PCBP3: variants seen among roughly 807,000 people sequenced by gnomAD.
The protein encoded by PCBP3 is poly(rC)-binding protein 3.
Under a neutral mutation model 52.7 loss-of-function variants are expected in PCBP3, and 25 were observed. That is an observed-to-expected ratio of 0.47 (90% CI 0.35 to 0.66). The LOEUF (loss-of-function observed/expected upper bound fraction) is 0.66. Ranked by LOEUF, PCBP3 falls within the 30% of genes least tolerant of loss-of-function variation. The pLI, the probability that PCBP3 is intolerant of heterozygous loss-of-function variation, is 0.01. For missense variants in PCBP3, 391 were observed against 490.3 expected, an observed-to-expected ratio of 0.80 and a Z score of 1.91; for synonymous variants, 162 against 183.0, an observed-to-expected ratio of 0.89 and a Z score of 0.93.
chr21:45,792,966 C>T (rs1457284146), intron 4 of PCBP3, among the ~76,000 whole-genome samples: 2 of 152,210 alleles, frequency 1.3e-5, no homozygotes, highest in South Asian at 2.1e-4. Context: ...AAAGACACCC[C>T]TCCTTCTCCC....
chr21:45,703,126 TC>T (rs2083232174), intron 2 of PCBP3, among the ~76,000 whole-genome samples: 1 of 152,188 alleles, frequency 6.6e-6, no homozygotes, highest in South Asian at 2.1e-4. Flanking sequence ...TGCAGTGACT[TC>T]CTTCAATAAA....
rs1229113379 is a variant in PCBP3 at position 45,817,539 on chromosome 21, G to A, written c.-125-32422G>A. The stretch of plus-strand genomic sequence containing the variant: ...AGCTGCTGCCGCAGCCCCCATGCTT[G>A]CCTTTTGTCCTCAGCCCCCCAGCGA... On this transcript the variant is annotated intron_variant, in intron 4 of 17. Coordinates refer to ENST00000681687, the MANE Select transcript of PCBP3 (RefSeq NM_001384156.1). This position sits in a 1 kb window ranked among gnomAD's most constrained non-coding sequence, Gnocchi z 4.3. Among the ~76,000 whole-genome samples the A allele has an allele frequency of 6.6e-6, 1 of 152,190 alleles. No homozygotes were observed. Among genetic ancestry groups the A allele is most frequent in the Non-Finnish European group, 1.5e-5 (1 of 68,036 alleles).
chr21:45,705,557 G>A (rs2083396926), intron 2 of PCBP3, among the ~76,000 whole-genome samples: 2 of 152,180 alleles, frequency 1.3e-5, no homozygotes, highest in Non-Finnish European at 2.9e-5. Context: ...CCTGCTTAAG[G>A]CATGTCAGGG....
intron 13 of PCBP3, among the ~76,000 whole-genome samples, chr21:45,926,207 C>A (rs572947982): frequency 6.6e-6 from 1 of 152,312 alleles, no homozygotes; most frequent in Admixed American, 6.5e-5. Context: ...GCCTGGTGAC[C>A]TTGCAGCTGA....
chr21:45,717,204 C>T (rs955590372), intron 2 of PCBP3, among the ~76,000 whole-genome samples: 13 of 152,010 alleles, frequency 8.6e-5, no homozygotes, highest in African/African-American at 3.1e-4. Flanking sequence ...TCCCTGCCAC[C>T]TTGTTGAACT....
intron 4 of PCBP3, among the ~76,000 whole-genome samples, chr21:45,845,697 C>T (rs746091881): frequency 6.6e-6 from 1 of 152,026 alleles, no homozygotes; most frequent in Non-Finnish European, 1.5e-5. Context: ...GCTGCTTAAG[C>T]ACCCGTTTGC....
At chr21:45,887,863 G>A (rs1288045155) in intron 5 of PCBP3, among the ~76,000 whole-genome samples, 4 of 152,210 alleles carry the variant, frequency 2.6e-5, no homozygotes, top group Non-Finnish European at 2.9e-5. Flanking sequence ...TGTTGTCACA[G>A]CTGCTCTTAT....
Position 45,830,217 on chromosome 21 carries a change from T to C in PCBP3, c.-125-19744T>C, listed in dbSNP as rs2093412969. The C allele has an allele frequency of 1.3e-5, 2 of 152,822 alleles. No homozygotes were observed. The highest frequency in any genetic ancestry group is 6.5e-5 in the Admixed American group (1 of 15,282). The allele number at this position is 152,822 out of a possible 1,614,324, so 9.5% of individuals were successfully genotyped here. On this transcript the variant is annotated intron_variant, in intron 4 of 17. Coordinates refer to ENST00000681687, the MANE Select transcript of PCBP3 (RefSeq NM_001384156.1). This position sits in a 1 kb window ranked among gnomAD's most constrained non-coding sequence, Gnocchi z 4.4. Reference sequence around the variant, plus strand: ...TGTGCCCCATAGCCTCGTCCTAACATACGTGCAAATGTGCACTGTGGAGAC... The same window carrying C: ...TGTGCCCCATAGCCTCGTCCTAACACACGTGCAAATGTGCACTGTGGAGAC...
intron 2 of PCBP3, among the ~76,000 whole-genome samples, chr21:45,723,196 A>G (rs994420966): frequency 6.6e-6 from 1 of 152,168 alleles, no homozygotes. Context: ...CAGGGGACAC[A>G]TAGGCATCCT....
intron 2 of PCBP3, among the ~76,000 whole-genome samples, chr21:45,674,537 A>G (rs1041367651): frequency 4.6e-5 from 7 of 152,162 alleles, no homozygotes; most frequent in Non-Finnish European, 1.0e-4. Context: ...CTTTGCATAT[A>G]TGGCCCTTTC....
In PCBP3 at chr21:45,654,673, A is replaced by T. The variant is rs545142068; in HGVS notation, c.-279+10805A>T. Among the ~76,000 whole-genome samples, 4 of 152,174 alleles carry T rather than the reference A, an allele frequency of 2.6e-5. No individual in the cohort carries two copies. In the South Asian group the frequency reaches 8.3e-4, roughly 32 times the overall value. ...TATTTTTTAATCTAAAAATATTTTTATTTCATCTTTTAACAAATTCTTTCA... is the reference window on the plus strand; with the variant it reads ...TATTTTTTAATCTAAAAATATTTTTTTTTCATCTTTTAACAAATTCTTTCA... On this transcript the variant is annotated intron_variant, in intron 1 of 17. Coordinates refer to ENST00000681687, the MANE Select transcript of PCBP3 (RefSeq NM_001384156.1).
intron 4 of PCBP3, among the ~76,000 whole-genome samples, chr21:45,757,084 T>C (rs546555094): frequency 7.9e-5 from 12 of 152,270 alleles, no homozygotes; most frequent in Middle Eastern, 6.3e-3. Context: ...ACTCTGTGTT[T>C]ACCTTTTTGA....
At chr21:45,845,621 A>G (rs7283806) in intron 4 of PCBP3, among the ~76,000 whole-genome samples, 4,318 of 89,374 alleles carry the variant, frequency 0.048, 185 homozygotes, top group African/African-American at 0.15. Context: ...ATGTGTGTGA[A>G]CTGCTTAAGC....
chr21:45,914,194 G>A (rs1387374180), intron 12 of PCBP3, 169 bp downstream of exon 12: 2 of 1,159,146 alleles, frequency 1.7e-6, no homozygotes, highest in African/African-American at 3.1e-5. Flanking sequence ...GCGGACGCAG[G>A]GGGCCTTCAG....
chr21:45,686,609 G>C (rs1405381958), intron 2 of PCBP3, among the ~76,000 whole-genome samples: 1 of 152,190 alleles, frequency 6.6e-6, no homozygotes, highest in Non-Finnish European at 1.5e-5. Flanking sequence ...GAAAGGTAGA[G>C]ATGATGAACT....
chr21:45,817,625 A>T lies in PCBP3; in HGVS notation c.-125-32336A>T, dbSNP rs751546223. Among the ~76,000 whole-genome samples, 1 of 152,206 alleles carries T rather than the reference A, an allele frequency of 6.6e-6. No individual in the cohort carries two copies. The highest frequency in any genetic ancestry group is 2.4e-5 in the African/African-American group (1 of 41,432). On this transcript the variant is annotated intron_variant, in intron 4 of 17. Coordinates refer to ENST00000681687, the MANE Select transcript of PCBP3 (RefSeq NM_001384156.1). This position sits in a 1 kb window ranked among gnomAD's most constrained non-coding sequence, Gnocchi z 4.3. ...CAGCAACTTGACAGTGGACGCAGCT[A>T]GAAAGCAGCCGGCGAGGAGCTCAGC...
intron 5 of PCBP3, among the ~76,000 whole-genome samples, chr21:45,856,901 G>A (rs982660797): frequency 1.3e-5 from 2 of 152,178 alleles, no homozygotes; most frequent in Admixed American, 1.3e-4. Context: ...GGGCTTCCAG[G>A]CTATCAGTAA....
intron 4 of PCBP3, among the ~76,000 whole-genome samples, chr21:45,819,765 C>T (rs775528770): frequency 2.6e-5 from 4 of 152,236 alleles, no homozygotes; most frequent in African/African-American, 9.6e-5. Context: ...AGCTGCTGGG[C>T]GCCTCTGTCC....
intron 2 of PCBP3, among the ~76,000 whole-genome samples, chr21:45,708,985 T>C (rs2083642560): frequency 6.6e-6 from 1 of 152,248 alleles, no homozygotes; most frequent in African/African-American, 2.4e-5. Flanking sequence ...GCCTGGTAGA[T>C]GTGATTTCAA....
Sources: allele counts gnomAD v4.1 joint callset (sites outside exome capture counted in the v4.1 genomes callset), GRCh38; gene constraint gnomAD v4.1.1; non-coding constraint Gnocchi (gnomAD v3.1); transcripts MANE v1.5; gene names NCBI Gene and HGNC (gene_info 2026-07-23, HGNC 2026-07-21).